Variants in SYT9 observed in about 807,000 individuals in gnomAD.
SYT9 encodes the protein synaptotagmin 9.
SYT9 carries 22 observed loss-of-function variants against 48.4 expected under a neutral mutation model. The observed-to-expected ratio is 0.45, with a 90% confidence interval of 0.32 to 0.65. The LOEUF (loss-of-function observed/expected upper bound fraction) is 0.65. Ranked by LOEUF, SYT9 falls within the 30% of genes least tolerant of loss-of-function variation. The pLI, the probability that SYT9 is intolerant of heterozygous loss-of-function variation, is 0.03. For synonymous variants in SYT9, 265 were observed against 245.0 expected, an observed-to-expected ratio of 1.08 and a Z score of -0.76; for missense variants, 577 against 622.0, an observed-to-expected ratio of 0.93 and a Z score of 0.77.
At chr11:7,349,491 G>A (rs1849870008) in intron 3 of SYT9, among the ~76,000 whole-genome samples, 1 of 151,798 alleles carries the variant, frequency 6.6e-6, no homozygotes, top group Admixed American at 6.6e-5. Context: ...AGTTGCCCCT[G>A]CCTCCAGCCA....
chr11:7,382,829 G>C (rs980980590), intron 3 of SYT9, among the ~76,000 whole-genome samples: 1 of 152,302 alleles, frequency 6.6e-6, no homozygotes, highest in African/African-American at 2.4e-5. Context: ...GAGTAATTCA[G>C]AAAGAGAAAA....
intron 3 of SYT9, among the ~76,000 whole-genome samples, chr11:7,371,218 A>G: frequency 6.6e-6 from 1 of 152,104 alleles, no homozygotes; most frequent in East Asian, 1.9e-4. Context: ...TAAACCTTTA[A>G]ATCAATTAGA....
intron 4 of SYT9, 44 bp downstream of exon 4, chr11:7,416,206 T>C: frequency 6.2e-7 from 1 of 1,610,536 alleles, no homozygotes; most frequent in Non-Finnish European, 8.5e-7. Context: ...ACTTCTACTG[T>C]AGTAAGTACC....
At chr11:7,452,715 T>C (rs980668118) in intron 6 of SYT9, among the ~76,000 whole-genome samples, 2 of 152,116 alleles carry the variant, frequency 1.3e-5, no homozygotes, top group African/African-American at 4.8e-5. Context: ...CAGAGAGCTT[T>C]GAACGGGACA....
intron 1 of SYT9, among the ~76,000 whole-genome samples, chr11:7,279,422 G>A (rs989268327): frequency 6.6e-6 from 1 of 152,140 alleles, no homozygotes; most frequent in Non-Finnish European, 1.5e-5. Flanking sequence ...TGCCAGAGAA[G>A]CAGGAAGATA....
At position 7,403,580 on chromosome 11, in the gene SYT9, G is replaced by C. The variant is rs74696002; in HGVS notation, c.1045-12462G>C. The stretch of plus-strand genomic sequence containing the variant: ...ATAAATAAACAGAGAGAGAGAGAGA[G>C]ACACACACATGTATTAGTTTCCAAA... On this transcript the variant is annotated intron_variant, in intron 3 of 6. Transcript: ENST00000318881. Among the ~76,000 whole-genome samples the C allele has an allele frequency of 6.1e-3, 921 of 150,350 alleles. 3 individuals carry two copies. The highest frequency in any genetic ancestry group is 5.9e-3 in the Non-Finnish European group (400 of 67,924).
At chr11:7,464,655 C>T (rs1435519012) in intron 6 of SYT9, among the ~76,000 whole-genome samples, 1 of 152,178 alleles carries the variant, frequency 6.6e-6, no homozygotes, top group Non-Finnish European at 1.5e-5. Context: ...ATTGGTGACA[C>T]TGAGCCTGTT....
At chr11:7,405,198 AGAGTTCC>A (rs1377522091) in intron 3 of SYT9, among the ~76,000 whole-genome samples, 2 of 152,054 alleles carry the variant, frequency 1.3e-5, no homozygotes, top group East Asian at 3.9e-4. Flanking sequence ...TGTGTAAATC[AGAGTTCC>A]TCAACCTTAG....
At chr11:7,297,452 A>G (rs1848835017) in intron 1 of SYT9, among the ~76,000 whole-genome samples, 1 of 152,216 alleles carries the variant, frequency 6.6e-6, no homozygotes. Flanking sequence ...CAATTATCAT[A>G]CCTAAAATAA....
chr11:7,375,102 G>A (rs1294316050), intron 3 of SYT9, among the ~76,000 whole-genome samples: 4 of 152,270 alleles, frequency 2.6e-5, no homozygotes, highest in Admixed American at 6.5e-5. Flanking sequence ...TGTATAAGGT[G>A]TAAGGAAGGG....
At chr11:7,429,657 T>C (rs1017169799) in intron 6 of SYT9, among the ~76,000 whole-genome samples, 1 of 152,150 alleles carries the variant, frequency 6.6e-6, no homozygotes, top group Non-Finnish European at 1.5e-5. Context: ...TCTTTGGGAG[T>C]GAAGAGAACC....
At position 7,303,159 on chromosome 11, in the gene SYT9, C is replaced by A. The variant is rs760652874; in HGVS notation, c.266C>A (p.Ser89Tyr). The change falls in exon 2 of 7, where the codon TCT (serine) becomes TAT (tyrosine). Residue 89 changes from serine (S) to tyrosine (Y), a missense_variant. Ser to Tyr is a moderately radical substitution (Grantham distance 144). Transcript: ENST00000318881. ...WVPWRERGLPSGSKDNNQEPL... is the reference protein window; with the variant it reads ...WVPWRERGLPYGSKDNNQEPL... ...CCGTGGCGAGAACGAGGCCTGCCCTCTGGTAGCAAAGACAACAACCAGGAG... is the reference window on the plus strand; with the variant it reads ...CCGTGGCGAGAACGAGGCCTGCCCTATGGTAGCAAAGACAACAACCAGGAG... The A allele has an allele frequency of 6.2e-7, 1 of 1,614,184 alleles. No individual in the cohort carries two copies.
intron 6 of SYT9, among the ~76,000 whole-genome samples, chr11:7,436,442 G>A (rs1184994964): frequency 6.6e-6 from 1 of 152,206 alleles, no homozygotes; most frequent in Non-Finnish European, 1.5e-5. Flanking sequence ...TGTAAAATGA[G>A]AAGTTGCTTA....
chr11:7,274,907 A>G (rs536099279), intron 1 of SYT9, among the ~76,000 whole-genome samples: 188 of 152,140 alleles, frequency 1.2e-3, no homozygotes, highest in Middle Eastern at 3.4e-3. Flanking sequence ...GTCAACAAGC[A>G]TTATTTGAAG....
intron 3 of SYT9, among the ~76,000 whole-genome samples, chr11:7,321,330 A>G (rs1464317678): frequency 2.6e-5 from 4 of 152,096 alleles, no homozygotes; most frequent in Admixed American, 2.6e-4. Context: ...GCCTGAGGCC[A>G]CTCGCAGACC....
At chr11:7,459,850 G>A (rs1035081736) in intron 6 of SYT9, among the ~76,000 whole-genome samples, 1 of 152,158 alleles carries the variant, frequency 6.6e-6, no homozygotes, top group South Asian at 2.1e-4. Context: ...CAACCACTAA[G>A]AGCTAGGAAG....
At chr11:7,272,823 G>A (rs1227249420) in intron 1 of SYT9, among the ~76,000 whole-genome samples, 1 of 152,168 alleles carries the variant, frequency 6.6e-6, no homozygotes, top group Non-Finnish European at 1.5e-5. Context: ...GAGTGTTCCA[G>A]TAAAGCATTT....
chr11:7,430,428 A>C (rs12279199), intron 6 of SYT9, among the ~76,000 whole-genome samples: 11,204 of 152,304 alleles, frequency 0.074, 616 homozygotes, highest in Non-Finnish European at 0.12. Flanking sequence ...GTTATGAATA[A>C]GGCAGGAAAA....
rs866240468 is a variant in SYT9, at chr11:7,432,606, T to A, written c.1467+11971T>A. Among the ~76,000 whole-genome samples the A allele has an allele frequency of 8.5e-4, 14 of 16,400 alleles. 3 individuals are homozygous for A. Among genetic ancestry groups the A allele is most frequent in the Admixed American group, 3.3e-3 (5 of 1,538 alleles). 10.8% of individuals were successfully genotyped at this position (16,400 alleles called of 152,430 possible). The stretch of plus-strand genomic sequence containing the variant: ...AAATATATATACATATATATATATA[T>A]ATATATATATATATATATATATATA... On this transcript the variant is annotated intron_variant, in intron 6 of 6. Coordinates refer to ENST00000318881, the MANE Select transcript of SYT9 (RefSeq NM_175733.4).
Sources: gnomAD v4.1 joint callset for allele counts (sites outside exome capture counted in the v4.1 genomes callset) on GRCh38, gnomAD v4.1.1 for gene constraint, MANE v1.5 for transcripts, NCBI Gene and HGNC (gene_info 2026-07-23, HGNC 2026-07-21) for gene names.